ADAMTS6: variants seen among roughly 807,000 people sequenced by gnomAD.
ADAMTS6 encodes ADAM metallopeptidase with thrombospondin type 1 motif 6.
Under a neutral mutation model 144.3 loss-of-function variants are expected in ADAMTS6, and 23 were observed. The ratio of observed to expected loss-of-function variants is 0.16; its 90% CI spans 0.11 to 0.23. The LOEUF (loss-of-function observed/expected upper bound fraction) is 0.23, where lower values mean the gene tolerates loss of function less well. Ranked by LOEUF, ADAMTS6 falls within the 10% of genes least tolerant of loss-of-function variation. The pLI is 1.00. For missense variants in ADAMTS6, 999 were observed against 1,379.6 expected (o/e 0.72, Z 4.37); for synonymous variants, 444 against 457.5 (o/e 0.97, Z 0.38).
At chr5:65,448,163 T>C (rs1448012142) in intron 7 of ADAMTS6, among the ~76,000 whole-genome samples, 1 of 151,498 alleles carries the variant, frequency 6.6e-6, no homozygotes, top group Admixed American at 6.6e-5. Flanking sequence ...ATATGCTCTT[T>C]GGTGTTCATT....
chr5:65,357,676 A>C lies in ADAMTS6; in HGVS notation c.1074-23591T>G, dbSNP rs186591330. Reference sequence around the variant, plus strand: ...GATGGCAATACAATTGAACCATAGAACTATAAAAGATCCTAAAAGATTACT... The same window carrying C: ...GATGGCAATACAATTGAACCATAGACCTATAAAAGATCCTAAAAGATTACT... On this transcript the variant is annotated intron_variant, in intron 7 of 24. Transcript: ENST00000381055. 2.6e-5 allele frequency among the ~76,000 whole-genome samples: 4 copies of C among 151,914 alleles called. No homozygotes were observed. In the East Asian group the frequency reaches 7.7e-4, roughly 29 times the overall value.
At chr5:65,280,875 C>A (rs1047726438) in intron 11 of ADAMTS6, among the ~76,000 whole-genome samples, 1 of 152,008 alleles carries the variant, frequency 6.6e-6, no homozygotes, top group Admixed American at 6.6e-5. Context: ...TCAATCAATG[C>A]GTAAAAGCAG....
intron 9 of ADAMTS6, 56 bp from the exon 10 acceptor site, chr5:65,300,187 ATCC>A: frequency 6.5e-7 from 1 of 1,527,186 alleles, no homozygotes; most frequent in Non-Finnish European, 9.0e-7. Context: ...ACCCCAACAC[ATCC>A]CTTATTTCCT....
chr5:65,452,269 G>A (rs1408811793), intron 5 of ADAMTS6, 53 bp from the exon 6 acceptor site: 1 of 1,536,684 alleles, frequency 6.5e-7, no homozygotes, highest in South Asian at 1.1e-5. Flanking sequence ...ATTATAGGGT[G>A]ATAGTTTGGT....
intron 7 of ADAMTS6, among the ~76,000 whole-genome samples, chr5:65,383,180 C>T (rs573101506): frequency 1.4e-4 from 21 of 151,974 alleles, no homozygotes; most frequent in African/African-American, 4.6e-4. Context: ...CTTTTTGCTC[C>T]GACCCCACAA....
At chr5:65,226,846 G>A (rs1244382952) in intron 15 of ADAMTS6, among the ~76,000 whole-genome samples, 1 of 152,186 alleles carries the variant, frequency 6.6e-6, no homozygotes, top group Non-Finnish European at 1.5e-5. Context: ...GCCTCCCAAA[G>A]TGCTGGGATT....
intron 10 of ADAMTS6, among the ~76,000 whole-genome samples, chr5:65,293,686 GT>G (rs1742547249): frequency 6.6e-6 from 1 of 151,958 alleles, no homozygotes; most frequent in South Asian, 2.1e-4. Flanking sequence ...CATGGTTCAT[GT>G]TCTTTAAAAA....
intron 21 of ADAMTS6, among the ~76,000 whole-genome samples, chr5:65,191,372 G>T (rs1363738404): frequency 6.6e-6 from 1 of 152,048 alleles, no homozygotes; most frequent in East Asian, 1.9e-4. Flanking sequence ...TATTTTTGAA[G>T]AAATAATCAT....
intron 9 of ADAMTS6, among the ~76,000 whole-genome samples, chr5:65,315,282 C>T (rs1012775049): frequency 2.0e-5 from 3 of 151,744 alleles, no homozygotes; most frequent in African/African-American, 7.2e-5. Context: ...TATATGTACA[C>T]ATTAAATATA....
intron 22 of ADAMTS6, among the ~76,000 whole-genome samples, chr5:65,177,360 C>T (rs1284328485): frequency 6.6e-6 from 1 of 152,240 alleles, no homozygotes; most frequent in East Asian, 1.9e-4. Context: ...AATTTCGCCT[C>T]AAACTATTGC....
intron 9 of ADAMTS6, among the ~76,000 whole-genome samples, chr5:65,321,140 T>C (rs960067419): frequency 6.6e-6 from 1 of 152,218 alleles, no homozygotes; most frequent in Non-Finnish European, 1.5e-5. Flanking sequence ...TCTTATACAA[T>C]GGCTGAACTA....
intron 7 of ADAMTS6, among the ~76,000 whole-genome samples, chr5:65,401,774 T>A (rs569004071): frequency 5.0e-4 from 76 of 152,324 alleles, no homozygotes; most frequent in African/African-American, 1.7e-3. Context: ...AGAAGAGTTG[T>A]TGATTTTTCA....
intron 1 of ADAMTS6, among the ~76,000 whole-genome samples, chr5:65,479,474 A>G (rs1197877041): frequency 6.6e-6 from 1 of 152,134 alleles, no homozygotes; most frequent in Non-Finnish European, 1.5e-5. Flanking sequence ...GTAAATACAC[A>G]TTTTCTGTAT....
At chr5:65,367,837 G>A (rs1245679361) in intron 7 of ADAMTS6, among the ~76,000 whole-genome samples, 1 of 151,418 alleles carries the variant, frequency 6.6e-6, no homozygotes, top group East Asian at 1.9e-4. Flanking sequence ...AAACCAAACA[G>A]TACTACATAT....
At chr5:65,311,049 C>T (rs1382295629) in intron 9 of ADAMTS6, among the ~76,000 whole-genome samples, 1 of 151,982 alleles carries the variant, frequency 6.6e-6, no homozygotes, top group Non-Finnish European at 1.5e-5. Flanking sequence ...TTGTTTTCAT[C>T]ATCACTATAT....
intron 7 of ADAMTS6, among the ~76,000 whole-genome samples, chr5:65,436,541 T>TAA (rs139278409): frequency 6.6e-6 from 1 of 151,890 alleles, no homozygotes; most frequent in Admixed American, 6.6e-5. Flanking sequence ...TCCTTTATTT[T>TAA]AAAAAAAATC....
At position 65,469,599 on chromosome 5, in the gene ADAMTS6, A is replaced by C. The variant is rs565767765; in HGVS notation, c.462+1179T>G. Among the ~76,000 whole-genome samples, 3 of 152,300 alleles carry C rather than the reference A, an allele frequency of 2.0e-5. No homozygotes were observed. The East Asian group carries it at 5.8e-4, about 29-fold the overall frequency. ...AGTAATGAGTATACTCAATTTGTCT[A>C]TTTGTAGAAATTAAGCCTAAATCTT... On this transcript the variant is annotated intron_variant, in intron 3 of 24. Coordinates refer to ENST00000381055, the MANE Select transcript of ADAMTS6 (RefSeq NM_197941.4).
Position 65,428,225 on chromosome 5 carries a change from C to CAAA in ADAMTS6, c.1073+23247_1073+23249dup, listed in dbSNP as rs759344039. Among the ~76,000 whole-genome samples, 135 of 58,168 alleles carry CAAA rather than the reference C, an allele frequency of 2.3e-3. 2 individuals are homozygous for CAAA. Among genetic ancestry groups the CAAA allele is most frequent in the African/African-American group, 6.6e-3 (124 of 18,724 alleles). The allele number at this position is 58,168 out of a possible 152,430, so 38.2% of individuals were successfully genotyped here. A position where few individuals can be genotyped will look rare whatever the true frequency, so the allele number is the denominator to read the frequency against. ...TGCGCAACAGAGTGAGACTCCATCT[C>CAAA]AAAAAAAAAAAAAAAAAAAAAAGTT... On this transcript the variant is annotated intron_variant, in intron 7 of 24. Transcript: ENST00000381055.
chr5:65,396,313 A>C (rs974791076), intron 7 of ADAMTS6, among the ~76,000 whole-genome samples: 10 of 152,206 alleles, frequency 6.6e-5, no homozygotes, highest in Admixed American at 5.9e-4. Context: ...GCCAAGAATT[A>C]GAATGCTGTG....
Sources: allele counts gnomAD v4.1 joint callset (sites outside exome capture counted in the v4.1 genomes callset), GRCh38; gene constraint gnomAD v4.1.1; transcripts MANE v1.5; gene names NCBI Gene and HGNC (gene_info 2026-07-23, HGNC 2026-07-21).